Variants in CHCHD5 observed in about 807,000 individuals in gnomAD.
The protein encoded by CHCHD5 is coiled-coil-helix-coiled-coil-helix domain containing 5, also known as coiled-coil-helix-coiled-coil-helix domain-containing protein 5.
Under a neutral mutation model 16.0 loss-of-function variants are expected in CHCHD5, and 10 were observed. That is an observed-to-expected ratio of 0.63 (90% CI 0.39 to 1.06). The LOEUF is 1.06. CHCHD5 is among the 50% of genes least tolerant of loss of function. CHCHD5 has a pLI of 0.01. For synonymous variants in CHCHD5, 55 were observed against 56.3 expected, an observed-to-expected ratio of 0.98 and a Z score of 0.10; for missense variants, 163 against 153.4, an observed-to-expected ratio of 1.06 and a Z score of -0.33.
At chr2:112,586,799 C>T in intron 3 of CHCHD5, 1 of 523,338 alleles carries the variant, frequency 1.9e-6, no homozygotes, top group Non-Finnish European at 3.3e-6. Context: ...CTCACCCTCT[C>T]TCTTCTTTCT....
At chr2:112,584,471 C>T (rs1448290931), upstream of CHCHD5, 8 of 709,222 alleles carry the variant, frequency 1.1e-5, no homozygotes, top group Non-Finnish European at 1.7e-5. Flanking sequence ...CATGACGAGC[C>T]GGGCCGGAAG....
Position 112,586,058 on chromosome 2 carries a change from C to T in CHCHD5, c.87C>T (p.Ser29=), listed in dbSNP as rs1020098918. The T allele has an allele frequency of 6.2e-7, 1 of 1,614,224 alleles. No homozygotes were observed. The highest frequency in any genetic ancestry group is 8.5e-7 in the Non-Finnish European group (1 of 1,180,032). ...YGQCVAAKPE[S]WQRDCHYLKM... ...AGTGTGTGGCGGCCAAGCCGGAATC[C>T]TGGCAGCGGGACTGTCACTACCTTA... is the stretch of plus-strand genomic sequence containing the variant. The change falls in exon 2 of 4, where the codon TCC becomes TCT. Residue 29 remains serine (S), a synonymous_variant. Transcript: ENST00000324913.
chr2:112,587,518 C>G (rs928268406), intron 3 of CHCHD5: 6 of 152,276 alleles, frequency 3.9e-5, no homozygotes, highest in African/African-American at 1.4e-4. Context: ...CGGCACGTCT[C>G]TCAGAAAACC....
Position 112,584,650 on chromosome 2 carries a change from G to T in CHCHD5, c.2+1G>T. 6.2e-7 allele frequency: 1 copy of T among 1,613,892 alleles called. No homozygotes were observed. ...CCTACGCCGGCAAAGGTCTCGAGATGTGAGTAGTGAGAGCGCCTACCCCAT... is the reference window on the plus strand; with the variant it reads ...CCTACGCCGGCAAAGGTCTCGAGATTTGAGTAGTGAGAGCGCCTACCCCAT... On this transcript the variant is annotated splice_donor_variant, in intron 1 of 3. Transcript: ENST00000324913. LOFTEE classifies it high-confidence loss of function.
chr2:112,586,740 T>TG, intron 3 of CHCHD5: 1 of 787,170 alleles, frequency 1.3e-6, no homozygotes. Flanking sequence ...TCCAGGTCCT[T>TG]GCTGGGTTCT....
In CHCHD5 at chr2:112,586,598, C is replaced by T. The variant is rs952573459; in HGVS notation, c.309+233C>T. 10 of 1,495,990 alleles carry T rather than the reference C, an allele frequency of 6.7e-6. No homozygotes were observed. The African/African-American group carries it at 1.4e-4, about 21-fold the overall frequency. The allele number at this position is 1,495,990 out of a possible 1,614,324, so 92.7% of individuals were successfully genotyped here. A position where few individuals can be genotyped will look rare whatever the true frequency, so the allele number is the denominator to read the frequency against. The stretch of plus-strand genomic sequence containing the variant: ...CAGGATACCTGCCCCAGCCTTCTCC[C>T]TGGTCTCCCTTCCTCCCTCTTTTCT... On this transcript the variant is annotated intron_variant, in intron 3 of 3. Transcript: ENST00000324913.
At position 112,588,309 on chromosome 2, in the gene CHCHD5, G is replaced by A. The variant is rs1574153058; in HGVS notation, c.310-557G>A. ...TGTCTTCCAAAAAAAAAAAAAAAAGGGAATTAGGTCACATCTCCTCATCAT... is the reference window on the plus strand; with the variant it reads ...TGTCTTCCAAAAAAAAAAAAAAAAGAGAATTAGGTCACATCTCCTCATCAT... On this transcript the variant is annotated intron_variant, in intron 3 of 3. Coordinates refer to ENST00000324913, the MANE Select transcript of CHCHD5 (RefSeq NM_032309.4). 5 of 151,702 alleles carry A rather than the reference G, an allele frequency of 3.3e-5. No homozygotes were observed. The South Asian group carries it at 8.3e-4, about 25-fold the overall frequency. 9.4% of individuals were successfully genotyped at this position (151,702 alleles called of 1,614,324 possible). A position where few individuals can be genotyped will look rare whatever the true frequency, so the allele number is the denominator to read the frequency against.
upstream of CHCHD5, chr2:112,584,551 GA>G: frequency 1.3e-6 from 2 of 1,550,786 alleles, no homozygotes; most frequent in Non-Finnish European, 1.8e-6. Context: ...TTGGCTACCG[GA>G]AAAAACCAGG....
chr2:112,586,464 A>C, intron 3 of CHCHD5, 99 bp downstream of exon 3: 3 of 1,574,212 alleles, frequency 1.9e-6, no homozygotes, highest in South Asian at 1.1e-5. Context: ...CCTCAGCCCC[A>C]CCCCATCACC....
intron 3 of CHCHD5, 46 bp downstream of exon 3, chr2:112,586,411 C>T: frequency 6.2e-7 from 1 of 1,613,416 alleles, no homozygotes; most frequent in Non-Finnish European, 8.5e-7. Context: ...CATAACATCC[C>T]CTTCATCCTT....
In CHCHD5 at chr2:112,586,304, T is replaced by C. The variant is rs759995967; in HGVS notation, c.248T>C (p.Met83Thr). ...GCTGTGGGCAACTGTGCAGAGCATA[T>C]GCGCCGCTTCCTGCAGTGCGCTGAG... Reference protein sequence around the residue: ...EAAVGNCAEHMRRFLQCAEQV... With the variant: ...EAAVGNCAEHTRRFLQCAEQV... Residue 83 changes from methionine to threonine, a missense_variant, in exon 3 of 4, where the codon ATG becomes ACG. Transcript: ENST00000324913. The C allele has an allele frequency of 6.2e-7, 1 of 1,614,248 alleles. No homozygotes were observed. The highest frequency in any genetic ancestry group is 8.5e-7 in the Non-Finnish European group (1 of 1,180,036).
intron 3 of CHCHD5, chr2:112,588,545 A>G: frequency 2.6e-6 from 1 of 384,884 alleles, no homozygotes; most frequent in East Asian, 5.6e-5. Flanking sequence ...TCTGCTCTTT[A>G]CCCTGATTAA....
rs201779223 is a variant in CHCHD5, at chr2:112,586,351, C to T, written c.295C>T (p.Pro99Ser). The change falls in exon 3 of 4, where the codon CCT becomes TCT. Residue 99 changes from proline (P) to serine (S), a missense_variant. Coordinates refer to ENST00000324913, the MANE Select transcript of CHCHD5 (RefSeq NM_032309.4). Reference sequence around the variant, plus strand: ...TGAGCAGGTGCAGCCGCCACGCTCACCTGCAACTGTGGAGGTAAGAGGGGC... The same window carrying T: ...TGAGCAGGTGCAGCCGCCACGCTCATCTGCAACTGTGGAGGTAAGAGGGGC... ...CAEQVQPPRS[P>S]ATVEAQPLPA... The T allele has an allele frequency of 1.2e-6, 2 of 1,614,272 alleles. No homozygotes were observed. The highest frequency in any genetic ancestry group is 2.7e-5 in the African/African-American group (2 of 75,072).
intron 1 of CHCHD5, chr2:112,584,853 C>T (rs1481599871): frequency 4.9e-6 from 3 of 616,120 alleles, no homozygotes; most frequent in Admixed American, 2.9e-5. Context: ...GGCCTCGCCC[C>T]CTCTCGCGCT....
At chr2:112,584,545 C>A, upstream of CHCHD5, 1 of 1,470,502 alleles carries the variant, frequency 6.8e-7, no homozygotes, top group Non-Finnish European at 9.5e-7. Context: ...GTTCAATTGG[C>A]TACCGGAAAA....
At position 112,588,932 on chromosome 2, in the gene CHCHD5, CCCACG is replaced by C; in HGVS notation, c.*46_*50del. ...GGAAAACTGGACATGAATGACTGCC[CCCACG>C]CCCCTCCCCTGCAGAGTGGCCAGAT... On this transcript the variant is annotated 3_prime_UTR_variant, in exon 4 of 4. Transcript: ENST00000324913. The C allele has an allele frequency of 1.3e-6, 2 of 1,521,070 alleles. No homozygotes were observed. Among genetic ancestry groups the C allele is most frequent in the Non-Finnish European group, 1.8e-6 (2 of 1,095,914 alleles). The allele number at this position is 1,521,070 out of a possible 1,614,324, so 94.2% of individuals were successfully genotyped here. A position where few individuals can be genotyped will look rare whatever the true frequency, so the allele number is the denominator to read the frequency against.
chr2:112,584,515 T>C (rs1685139448), upstream of CHCHD5: 3 of 1,171,872 alleles, frequency 2.6e-6, no homozygotes, highest in South Asian at 1.3e-5. Flanking sequence ...AGATTAGTCC[T>C]AAAGGGAACG....
intron 1 of CHCHD5, 74 bp downstream of exon 1, chr2:112,584,723 A>G: frequency 1.3e-6 from 2 of 1,575,898 alleles, no homozygotes; most frequent in South Asian, 2.2e-5. Context: ...GACCTAGTCT[A>G]GGACCTCGGG....
chr2:112,588,998 TGGATATC>T lies in CHCHD5; in HGVS notation c.*110_*116del. The T allele has an allele frequency of 1.3e-6, 1 of 772,996 alleles. No individual in the cohort carries two copies. Among genetic ancestry groups the T allele is most frequent in the Non-Finnish European group, 2.2e-6 (1 of 446,474 alleles). 47.9% of individuals were successfully genotyped at this position (772,996 alleles called of 1,614,324 possible). On this transcript the variant is annotated 3_prime_UTR_variant, in exon 4 of 4. Transcript: ENST00000324913. ...GCCCTGGACATGGGCCCGGCTTTCC[TGGATATC>T]AGGACTTCCAATAAATAAAGACTCT... is the stretch of plus-strand genomic sequence containing the variant.
Sources: gnomAD v4.1 joint callset for allele counts on GRCh38, gnomAD v4.1.1 for gene constraint, MANE v1.5 for transcripts, NCBI Gene and HGNC (gene_info 2026-07-23, HGNC 2026-07-21) for gene names.